The following PLD5 variants were observed in gnomAD, a reference collection of about 807,000 sequenced individuals.
PLD5 encodes phospholipase D family member 5, also known as inactive phospholipase D5.
Under a neutral mutation model 61.1 loss-of-function variants are expected in PLD5, and 36 were observed. The observed-to-expected ratio is 0.59, with a 90% CI of 0.45 to 0.78. The LOEUF (loss-of-function observed/expected upper bound fraction) is 0.78. Among genes scored for constraint, PLD5 ranks in the 30% least tolerant of loss-of-function variants. PLD5 has a pLI of 0.00. For missense variants in PLD5, 515 were observed against 644.4 expected (o/e 0.80, Z 2.17); for synonymous variants, 243 against 242.8 (o/e 1.00, Z -0.01).
chr1:242,356,420 T>A lies in PLD5; in HGVS notation c.190-8178A>T, dbSNP rs568935860. 3.6e-4 allele frequency among the ~76,000 whole-genome samples: 55 copies of A among 152,082 alleles called. No homozygotes were observed. In the East Asian group the frequency reaches 0.011, roughly 29 times the overall value. On this transcript the variant is annotated intron_variant, in intron 1 of 9. Coordinates refer to ENST00000536534, the MANE Select transcript of PLD5 (RefSeq NM_001372062.1). ...ATTTGGTTTCCTTTTGTGTGGAATA[T>A]CTTTTTCCATCCTTTAATGTTCAAT...
chr1:242,316,253 A>G (rs1490011890), intron 2 of PLD5, among the ~76,000 whole-genome samples: 2 of 152,230 alleles, frequency 1.3e-5, no homozygotes, highest in Non-Finnish European at 2.9e-5. Flanking sequence ...ATGAGTGCCC[A>G]TTTTGGGGGC....
chr1:242,176,322 A>C (rs1166846929), intron 5 of PLD5, among the ~76,000 whole-genome samples: 2 of 152,214 alleles, frequency 1.3e-5, no homozygotes, highest in Non-Finnish European at 2.9e-5. Flanking sequence ...TCTGACCCAA[A>C]GAAGCAATGG....
intron 1 of PLD5, among the ~76,000 whole-genome samples, chr1:242,506,792 C>G (rs562366109): frequency 2.6e-5 from 4 of 152,284 alleles, no homozygotes; most frequent in Admixed American, 2.6e-4. Flanking sequence ...AAGATTCTTC[C>G]CAGTCCAGTA....
intron 5 of PLD5, among the ~76,000 whole-genome samples, chr1:242,142,425 T>C (rs1664234888): frequency 1.3e-5 from 2 of 152,220 alleles, no homozygotes; most frequent in Non-Finnish European, 2.9e-5. Context: ...ACATGTGGCC[T>C]GTACAAAATA....
At chr1:242,476,949 T>A (rs1208595820) in intron 1 of PLD5, among the ~76,000 whole-genome samples, 1 of 152,148 alleles carries the variant, frequency 6.6e-6, no homozygotes, top group African/African-American at 2.4e-5. Context: ...AGAAAGACAT[T>A]CTACTAATAG....
chr1:242,296,093 A>G (rs1338377330), intron 2 of PLD5, among the ~76,000 whole-genome samples: 1 of 152,184 alleles, frequency 6.6e-6, no homozygotes, highest in African/African-American at 2.4e-5. Context: ...ACAAAGATTA[A>G]CGGAGGGAAT....
At chr1:242,237,239 C>T (rs12568736) in intron 4 of PLD5, among the ~76,000 whole-genome samples, 27,478 of 150,786 alleles carry the variant, frequency 0.18, 2,641 homozygotes, top group Middle Eastern at 0.24. Flanking sequence ...ATGTGTCATT[C>T]ACTCTGCAGA....
At chr1:242,125,285 A>G in intron 5 of PLD5, among the ~76,000 whole-genome samples, 1 of 152,338 alleles carries the variant, frequency 6.6e-6, no homozygotes, top group Middle Eastern at 3.4e-3. Context: ...AGTAATTATT[A>G]TTCTTATTAA....
chr1:242,426,298 C>A lies in PLD5; in HGVS notation c.190-78056G>T, dbSNP rs1250965261. Among the ~76,000 whole-genome samples the A allele has an allele frequency of 2.2e-5, 3 of 134,200 alleles. No individual in the cohort carries two copies. The Admixed American group carries it at 2.4e-4, about 11-fold the overall frequency. 88.0% of individuals were successfully genotyped at this position (134,200 alleles called of 152,430 possible). On this transcript the variant is annotated intron_variant, in intron 1 of 9. Transcript: ENST00000536534. Reference sequence around the variant, plus strand: ...TACCTCCTGGAGGACCTGCCTGAGACCGTTTCCAGTTAAAAAAAAAAAAAA... The same window carrying A: ...TACCTCCTGGAGGACCTGCCTGAGAACGTTTCCAGTTAAAAAAAAAAAAAA...
chr1:242,342,679 A>G (rs1304244887), intron 2 of PLD5, among the ~76,000 whole-genome samples: 1 of 152,130 alleles, frequency 6.6e-6, no homozygotes, highest in Admixed American at 6.6e-5. Context: ...ATTTAAAGTT[A>G]TAAGGACCAA....
intron 2 of PLD5, among the ~76,000 whole-genome samples, chr1:242,324,557 A>G (rs1432698493): frequency 6.6e-6 from 1 of 152,178 alleles, no homozygotes; most frequent in Non-Finnish European, 1.5e-5. Context: ...TTAACTTTGA[A>G]GTAAACATGA....
At chr1:242,109,774 T>A (rs1661336837) in intron 7 of PLD5, among the ~76,000 whole-genome samples, 1 of 152,094 alleles carries the variant, frequency 6.6e-6, no homozygotes. Flanking sequence ...GAGCATCTCC[T>A]CCAATGGGCT....
chr1:242,196,915 T>G lies in PLD5; in HGVS notation c.735+23073A>C, dbSNP rs548823713. 1.7e-3 allele frequency among the ~76,000 whole-genome samples: 262 copies of G among 152,274 alleles called. 1 individual carries two copies. Among genetic ancestry groups the G allele is most frequent in the African/African-American group, 6.2e-3 (256 of 41,554 alleles). On this transcript the variant is annotated intron_variant, in intron 5 of 9. Transcript: ENST00000536534. The stretch of plus-strand genomic sequence containing the variant: ...TTCTTTGTTTACAGAAATGGGATGA[T>G]GTATACCCCTTCAAGTATTATTATT...
At chr1:242,492,532 A>AG (rs1241504387) in intron 1 of PLD5, among the ~76,000 whole-genome samples, 6 of 151,994 alleles carry the variant, frequency 3.9e-5, no homozygotes, top group Non-Finnish European at 8.8e-5. Flanking sequence ...CAAAAAAAAA[A>AG]AAAAGAAAAG....
At chr1:242,384,485 A>G (rs966269893) in intron 1 of PLD5, among the ~76,000 whole-genome samples, 2 of 152,256 alleles carry the variant, frequency 1.3e-5, no homozygotes, top group African/African-American at 4.8e-5. Context: ...ATCCAACACC[A>G]GAACATTAAA....
At position 242,435,487 on chromosome 1, in the gene PLD5, G is replaced by A. The variant is rs147784177; in HGVS notation, c.190-87245C>T. ...TGTATAGTGTTCCTAAATGCCAGGA[G>A]GCTGTGATGTGCCTTATGGAGAAAA... On this transcript the variant is annotated intron_variant, in intron 1 of 9. Coordinates refer to ENST00000536534, the MANE Select transcript of PLD5 (RefSeq NM_001372062.1). Among the ~76,000 whole-genome samples, 313 of 152,306 alleles carry A rather than the reference G, an allele frequency of 2.1e-3. 16 individuals carry two copies. Among genetic ancestry groups the A allele is most frequent in the African/African-American group, 6.3e-3 (262 of 41,554 alleles).
chr1:242,328,134 TAGTC>T (rs1165466701), intron 2 of PLD5, among the ~76,000 whole-genome samples: 3 of 152,228 alleles, frequency 2.0e-5, no homozygotes, highest in African/African-American at 7.2e-5. Flanking sequence ...TGTAACTAAA[TAGTC>T]AATCATTAAC....
In PLD5 at chr1:242,394,440, ATGTG is replaced by A. The variant is rs1282276303; in HGVS notation, c.190-46202_190-46199del. On this transcript the variant is annotated intron_variant, in intron 1 of 9. Transcript: ENST00000536534. ...TATATATGTGTGTATATGAGTATAT[ATGTG>A]TGTATATGAGTATATATGTGAACAT... is the stretch of plus-strand genomic sequence containing the variant. 3.8e-5 allele frequency among the ~76,000 whole-genome samples: 4 copies of A among 105,880 alleles called. 1 individual carries two copies. The highest frequency in any genetic ancestry group is 7.3e-5 in the Non-Finnish European group (4 of 54,646). The allele number at this position is 105,880 out of a possible 152,430, so 69.5% of individuals were successfully genotyped here. A position where few individuals can be genotyped will look rare whatever the true frequency, so the allele number is the denominator to read the frequency against.
At chr1:242,505,062 T>A (rs1668677235) in intron 1 of PLD5, among the ~76,000 whole-genome samples, 1 of 152,040 alleles carries the variant, frequency 6.6e-6, no homozygotes, top group Non-Finnish European at 1.5e-5. Flanking sequence ...GAGGCTGAGG[T>A]GGGAGGATCA....
Sources: allele counts gnomAD v4.1 joint callset (sites outside exome capture counted in the v4.1 genomes callset), GRCh38; gene constraint gnomAD v4.1.1; transcripts MANE v1.5; gene names NCBI Gene and HGNC (gene_info 2026-07-23, HGNC 2026-07-21).